Variants in HEXA observed in about 807,000 individuals in gnomAD.
HEXA encodes beta-hexosaminidase subunit alpha.
HEXA carries 54 observed loss-of-function variants against 73.3 expected under a neutral mutation model. The observed-to-expected ratio is 0.74, with a 90% CI of 0.59 to 0.92. The LOEUF is 0.92. Among genes scored for constraint, HEXA ranks in the 40% least tolerant of loss-of-function variants. The pLI is 0.00. For missense variants in HEXA, 649 were observed against 653.0 expected, an observed-to-expected ratio of 0.99 and a Z score of 0.07; for synonymous variants, 230 against 246.9, an observed-to-expected ratio of 0.93 and a Z score of 0.64.
intron 1 of HEXA, chr15:72,362,266 T>TC (rs967214824): frequency 1.9e-4 from 39 of 203,790 alleles, no homozygotes; most frequent in South Asian, 1.4e-3. Context: ...TTTCTGTTAT[T>TC]CCCCCCCTCT....
At chr15:72,347,805 G>C in intron 9 of HEXA, 47 bp from the exon 10 acceptor site, 1 of 1,552,300 alleles carries the variant, frequency 6.4e-7, no homozygotes, top group East Asian at 2.2e-5. Flanking sequence ...AGCTCAGATG[G>C]GTTCTAGACT....
chr15:72,369,322 T>C (rs184745891), intron 1 of HEXA, among the ~76,000 whole-genome samples: 43 of 152,270 alleles, frequency 2.8e-4, no homozygotes, highest in Admixed American at 6.5e-4. Flanking sequence ...CACAGAAAAC[T>C]CTTCACACAT....
At position 72,375,939 on chromosome 15, in the gene HEXA, G is replaced by A; in HGVS notation, c.34C>T (p.Leu12=). 6.2e-7 allele frequency: 1 copy of A among 1,614,152 alleles called. No homozygotes were observed. Among genetic ancestry groups the A allele is most frequent in the Non-Finnish European group, 8.5e-7 (1 of 1,180,038 alleles). Residue 12 remains leucine (L), a synonymous_variant, in exon 1 of 14, where the codon CTG becomes TTG. Transcript: ENST00000268097. ...GCCCGTCCTGCGAACGCTGCCGCCA[G>A]CAGCAGCGAAAACCAAAGCCTGGAG... The part of the protein sequence containing the change: ...TSSRLWFSLL[L]AAAFAGRATA...
Position 72,356,742 on chromosome 15 carries a change from T to C in HEXA, c.254-125A>G, listed in dbSNP as rs542198652. 1.7e-3 allele frequency: 2,388 copies of C among 1,431,004 alleles called. 2 individuals carry two copies. The highest frequency in any genetic ancestry group is 2.2e-3 in the Non-Finnish European group (2,269 of 1,045,778). 88.6% of individuals were successfully genotyped at this position (1,431,004 alleles called of 1,614,324 possible). ...TAAAGGAAAGGGAGGACATGGCATT[T>C]ACCCTTGGCATAGGCAGTGCCTGAT... On this transcript the variant is annotated intron_variant, in intron 1 of 13. Coordinates refer to ENST00000268097, the MANE Select transcript of HEXA (RefSeq NM_000520.6).
At chr15:72,370,256 C>T in intron 1 of HEXA, 1 of 181,044 alleles carries the variant, frequency 5.5e-6, no homozygotes, top group Non-Finnish European at 1.1e-5. Flanking sequence ...TGTGTTCAAA[C>T]AGAATATCCA....
intron 13 of HEXA, 116 bp downstream of exon 13, chr15:72,345,330 A>T (rs2088595413): frequency 6.5e-7 from 1 of 1,538,804 alleles, no homozygotes; most frequent in Non-Finnish European, 8.8e-7. Context: ...ATGAGGGCTG[A>T]CTATAAGCCT....
At chr15:72,357,250 G>A (rs2140329547) in intron 1 of HEXA, 1 of 166,342 alleles carries the variant, frequency 6.0e-6, no homozygotes, top group South Asian at 1.5e-4. Flanking sequence ...GGAGCTAATG[G>A]AGCAGATGAC....
chr15:72,357,119 G>C (rs1427197690), intron 1 of HEXA: 1 of 255,706 alleles, frequency 3.9e-6, no homozygotes, highest in Non-Finnish European at 7.8e-6. Context: ...AGATTTTCTT[G>C]ATGAAGAGAT....
chr15:72,353,290 C>A, intron 4 of HEXA, 112 bp from the exon 5 acceptor site: 2 of 729,588 alleles, frequency 2.7e-6, no homozygotes, highest in South Asian at 3.0e-5. Flanking sequence ...TGTGACTGTT[C>A]TCAGGGTCGC....
intron 3 of HEXA, chr15:72,354,784 T>A (rs1343943541): frequency 6.6e-6 from 1 of 152,388 alleles, no homozygotes; most frequent in Non-Finnish European, 1.5e-5. Context: ...GCAGAGGGTT[T>A]ACCAAAAGTG....
At chr15:72,365,159 G>T (rs533812585) in intron 1 of HEXA, among the ~76,000 whole-genome samples, 1 of 151,982 alleles carries the variant, frequency 6.6e-6, no homozygotes, top group Admixed American at 6.6e-5. Context: ...GCGCGATCTC[G>T]GCTCACCGCA....
intron 8 of HEXA, 136 bp downstream of exon 8, chr15:72,348,943 G>T (rs901114259): frequency 2.7e-6 from 2 of 749,982 alleles, no homozygotes; most frequent in Middle Eastern, 3.7e-4. Context: ...GGCAGAGGAA[G>T]GCCTAAGACC....
At chr15:72,356,771 C>G (rs1299312087) in intron 1 of HEXA, 154 bp from the exon 2 acceptor site, 1 of 1,095,234 alleles carries the variant, frequency 9.1e-7, no homozygotes, top group African/African-American at 1.5e-5. Flanking sequence ...GCCTGATCAT[C>G]TGTTCAGCTG....
At chr15:72,375,555 T>C (rs556091411) in intron 1 of HEXA, among the ~76,000 whole-genome samples, 165 bp downstream of exon 1, 3 of 152,302 alleles carry the variant, frequency 2.0e-5, no homozygotes, top group East Asian at 1.9e-4. Context: ...AGTCCTATAG[T>C]AGTTATCTTT....
Position 72,348,056 on chromosome 15 carries a change from G to T in HEXA, c.1065C>A (p.Tyr355Ter). The T allele has an allele frequency of 6.2e-7, 1 of 1,604,346 alleles. No individual in the cohort carries two copies. ...GEDFKQLESF[Y>*]IQTLLDIVSS... is the part of the protein sequence containing the mutation. ...CCTCCTTCCTTCCTCACGTCTGGAT[G>T]TAGAAGGACTCCAGCTGCTTGAAGT... Residue 355 changes from tyrosine (Y) to a stop codon, truncating the protein, a stop_gained, in exon 9 of 14, where the codon TAC becomes TAA. Transcript: ENST00000268097. LOFTEE classifies it high-confidence loss of function.
chr15:72,346,019 T>A, intron 12 of HEXA: 1 of 601,082 alleles, frequency 1.7e-6, no homozygotes, highest in Admixed American at 2.9e-5. Flanking sequence ...ACAATCCCTA[T>A]CCCACATACC....
intron 10 of HEXA, 71 bp from the exon 11 acceptor site, chr15:72,346,781 G>C (rs968453006): frequency 7.1e-7 from 1 of 1,407,368 alleles, no homozygotes; most frequent in South Asian, 1.2e-5. Context: ...TCATACACAG[G>C]CAACATGGGA....
intron 1 of HEXA, chr15:72,359,524 G>A (rs1486617876): frequency 6.6e-6 from 1 of 151,330 alleles, no homozygotes; most frequent in Non-Finnish European, 1.5e-5. Flanking sequence ...GTGAGACCCT[G>A]TCTCTACTAA....
At chr15:72,365,899 T>C (rs1420005753) in intron 1 of HEXA, among the ~76,000 whole-genome samples, 1 of 152,240 alleles carries the variant, frequency 6.6e-6, no homozygotes, top group East Asian at 1.9e-4. Context: ...TTTGTCACTT[T>C]GCCCAATATA....
Sources: allele counts gnomAD v4.1 joint callset (sites outside exome capture counted in the v4.1 genomes callset), GRCh38; gene constraint gnomAD v4.1.1; transcripts MANE v1.5; gene names NCBI Gene and HGNC (gene_info 2026-07-23, HGNC 2026-07-21).